PELI2: variants seen among roughly 807,000 people sequenced by gnomAD.
The protein encoded by PELI2 is pellino E3 ubiquitin protein ligase family member 2.
In PELI2, 23 loss-of-function variants were observed where a neutral mutation model predicts 42.3. That is an observed-to-expected ratio of 0.54 (90% CI 0.39 to 0.77). The LOEUF is 0.77. Ranked by LOEUF, PELI2 falls within the 30% of genes least tolerant of loss-of-function variation. The pLI is 0.00. For synonymous variants in PELI2, 245 were observed against 212.2 expected (o/e 1.15, Z -1.34); for missense variants, 463 against 553.2 (o/e 0.84, Z 1.64).
chr14:56,166,229 C>T (rs1478892133), intron 1 of PELI2, among the ~76,000 whole-genome samples: 1 of 152,122 alleles, frequency 6.6e-6, no homozygotes, highest in Non-Finnish European at 1.5e-5. Flanking sequence ...TTTGCATAAA[C>T]AAACAAAAAG....
At chr14:56,272,629 T>A (rs1889145484) in intron 2 of PELI2, among the ~76,000 whole-genome samples, 1 of 152,238 alleles carries the variant, frequency 6.6e-6, no homozygotes, top group Non-Finnish European at 1.5e-5. Context: ...TCTCTGGCAA[T>A]ACTTTGAATG....
At chr14:56,216,166 A>C (rs578005052) in intron 2 of PELI2, among the ~76,000 whole-genome samples, 1 of 150,788 alleles carries the variant, frequency 6.6e-6, no homozygotes, top group Non-Finnish European at 1.5e-5. Context: ...TTGTGTACCC[A>C]TGAAATCATC....
intron 1 of PELI2, among the ~76,000 whole-genome samples, chr14:56,155,070 A>G (rs1941930602): frequency 6.6e-6 from 1 of 152,136 alleles, no homozygotes; most frequent in Non-Finnish European, 1.5e-5. Flanking sequence ...TCTTGTGTCT[A>G]TGAAGATATC....
At chr14:56,119,435 G>A (rs1361453676) in intron 1 of PELI2, among the ~76,000 whole-genome samples, 1 of 152,134 alleles carries the variant, frequency 6.6e-6, no homozygotes, top group Non-Finnish European at 1.5e-5. Flanking sequence ...GCCTGGCACC[G>A]GGGCGCGGGC....
In PELI2 at chr14:56,290,350, G is replaced by A. The variant is rs1889788391; in HGVS notation, c.590G>A (p.Gly197Glu). ...GGCGTCCTGGTGATGCATCCACGAG[G>A]GGGCTTCACCGAGGAGTCCCAGCCC... The part of the protein sequence containing the change: ...TNGVLVMHPR[G>E]GFTEESQPGV... Residue 197 changes from glycine to glutamate, a missense_variant, in exon 5 of 6, where the codon GGG becomes GAG. Transcript: ENST00000267460. 1.2e-6 allele frequency: 2 copies of A among 1,613,634 alleles called. No homozygotes were observed. Among genetic ancestry groups the A allele is most frequent in the South Asian group, 1.1e-5 (1 of 91,032 alleles).
chr14:56,280,273 C>T (rs1889434328), intron 3 of PELI2, among the ~76,000 whole-genome samples: 1 of 151,978 alleles, frequency 6.6e-6, no homozygotes, highest in South Asian at 2.1e-4. Context: ...AAACATTTAT[C>T]TCAAAAGTTC....
chr14:56,290,502 G>A, intron 5 of PELI2, 46 bp downstream of exon 5: 3 of 1,415,174 alleles, frequency 2.1e-6, no homozygotes, highest in East Asian at 2.3e-5. Context: ...AACTACTCAA[G>A]CCTAACTCGA....
chr14:56,162,693 C>T (rs1448068735), intron 1 of PELI2, among the ~76,000 whole-genome samples: 1 of 152,124 alleles, frequency 6.6e-6, no homozygotes, highest in African/African-American at 2.4e-5. Flanking sequence ...CCAAACTGTT[C>T]TTATAGTGGT....
At chr14:56,201,302 A>G (rs1886323530) in intron 2 of PELI2, among the ~76,000 whole-genome samples, 1 of 152,236 alleles carries the variant, frequency 6.6e-6, no homozygotes, top group Non-Finnish European at 1.5e-5. Flanking sequence ...ATAGATAAAG[A>G]TAAGCTAGAA....
At chr14:56,270,851 G>T (rs1029478923) in intron 2 of PELI2, among the ~76,000 whole-genome samples, 14 of 152,074 alleles carry the variant, frequency 9.2e-5, no homozygotes, top group Admixed American at 6.6e-5. Context: ...CCAGTGTGTT[G>T]TTTTTTTCAG....
chr14:56,136,843 T>G (rs1367335896), intron 1 of PELI2, among the ~76,000 whole-genome samples: 1 of 152,174 alleles, frequency 6.6e-6, no homozygotes, highest in Non-Finnish European at 1.5e-5. Flanking sequence ...TCTGAGATCA[T>G]TACTTTCCAG....
chr14:56,237,961 T>C (rs531997009), intron 2 of PELI2, among the ~76,000 whole-genome samples: 7 of 151,934 alleles, frequency 4.6e-5, no homozygotes, highest in Non-Finnish European at 8.8e-5. Context: ...CCTCGAATTA[T>C]GGACAGTATG....
In PELI2 at chr14:56,233,663, C is replaced by T. The variant is rs777014173; in HGVS notation, c.208-46013C>T. On this transcript the variant is annotated intron_variant, in intron 2 of 5. Coordinates refer to ENST00000267460, the MANE Select transcript of PELI2 (RefSeq NM_021255.3). Reference sequence around the variant, plus strand: ...AAACCATAAAAACCCTAGAAGAAAACGTAGGCAATACCGTTCATAACATAG... The same window carrying T: ...AAACCATAAAAACCCTAGAAGAAAATGTAGGCAATACCGTTCATAACATAG... 1.1e-4 allele frequency among the ~76,000 whole-genome samples: 17 copies of T among 152,218 alleles called. 2 individuals carry two copies. The Middle Eastern group carries it at 0.027, about 244-fold the overall frequency.
chr14:56,286,939 A>G (rs1184672052), intron 3 of PELI2, among the ~76,000 whole-genome samples: 1 of 152,208 alleles, frequency 6.6e-6, no homozygotes, highest in Non-Finnish European at 1.5e-5. Context: ...TTAGAATAAA[A>G]TTTCCTCTTT....
intron 2 of PELI2, among the ~76,000 whole-genome samples, chr14:56,237,699 T>C (rs1413984699): frequency 1.3e-5 from 2 of 150,220 alleles, no homozygotes; most frequent in African/African-American, 4.9e-5. Flanking sequence ...ATCTAGTGTG[T>C]CCGTTCCTCA....
chr14:56,122,985 CA>C (rs534870803), intron 1 of PELI2, among the ~76,000 whole-genome samples: 37 of 151,992 alleles, frequency 2.4e-4, no homozygotes, highest in African/African-American at 8.0e-4. Context: ...ATTCTTGGCA[CA>C]AAAAGAGGGT....
chr14:56,120,525 A>G lies in PELI2; in HGVS notation c.77+1788A>G, dbSNP rs1321378390. Among the ~76,000 whole-genome samples, 3 of 152,166 alleles carry G rather than the reference A, an allele frequency of 2.0e-5. No individual in the cohort carries two copies. The East Asian group carries it at 5.8e-4, about 29-fold the overall frequency. On this transcript the variant is annotated intron_variant, in intron 1 of 5. Coordinates refer to ENST00000267460, the MANE Select transcript of PELI2 (RefSeq NM_021255.3). ...CCGGGATATAACGTTGCAGTTGCAT[A>G]TGGTCTGCCCTTTGCTAATGCTTTT...
chr14:56,127,950 T>A (rs1440628892), intron 1 of PELI2, among the ~76,000 whole-genome samples: 1 of 152,234 alleles, frequency 6.6e-6, no homozygotes, highest in East Asian at 1.9e-4. Context: ...AGCTTAAAAT[T>A]ACACTAAGAA....
chr14:56,272,361 A>G (rs1440660932), intron 2 of PELI2, among the ~76,000 whole-genome samples: 1 of 152,258 alleles, frequency 6.6e-6, no homozygotes, highest in Non-Finnish European at 1.5e-5. Flanking sequence ...GCGTGCATGC[A>G]TACACACACG....
Sources: allele counts gnomAD v4.1 joint callset (sites outside exome capture counted in the v4.1 genomes callset), GRCh38; gene constraint gnomAD v4.1.1; transcripts MANE v1.5; gene names NCBI Gene and HGNC (gene_info 2026-07-23, HGNC 2026-07-21).